Variants in TBC1D22A observed in about 807,000 individuals in gnomAD.
TBC1D22A encodes the protein putative GTPase activator.
In TBC1D22A, 38 loss-of-function variants were observed where a neutral mutation model predicts 60.2. That is an observed-to-expected ratio of 0.63 (90% confidence interval 0.49 to 0.83). The LOEUF (loss-of-function observed/expected upper bound fraction) is 0.83. TBC1D22A is among the 40% of genes least tolerant of loss of function. The pLI is 0.00. For synonymous variants in TBC1D22A, 302 were observed against 281.7 expected, an observed-to-expected ratio of 1.07 and a Z score of -0.72; for missense variants, 628 against 701.0, an observed-to-expected ratio of 0.90 and a Z score of 1.18.
At chr22:46,829,344 G>A (rs2086208333) in intron 4 of TBC1D22A, among the ~76,000 whole-genome samples, 1 of 152,174 alleles carries the variant, frequency 6.6e-6, no homozygotes, top group South Asian at 2.1e-4. Flanking sequence ...TGTTTGGGAT[G>A]TCTTGAAAAT....
intron 7 of TBC1D22A, among the ~76,000 whole-genome samples, chr22:46,904,138 T>C (rs56248922): frequency 0.056 from 3,077 of 55,270 alleles, 57 homozygotes; most frequent in Middle Eastern, 0.17. Context: ...TATCTATCTA[T>C]CTATCTACCT....
At chr22:46,763,023 G>T (rs530600311) in intron 1 of TBC1D22A, among the ~76,000 whole-genome samples, 175 bp downstream of exon 1, 1 of 152,226 alleles carries the variant, frequency 6.6e-6, no homozygotes, top group East Asian at 1.9e-4. Context: ...CGTGGGGTCT[G>T]GGGGTGACAG....
intron 7 of TBC1D22A, among the ~76,000 whole-genome samples, chr22:46,905,112 G>T (rs1453610161): frequency 6.6e-6 from 1 of 152,224 alleles, no homozygotes. Context: ...TTCAGAGGGG[G>T]ACGGTGGGGA....
At chr22:47,112,479 G>A (rs1407444787) in intron 12 of TBC1D22A, among the ~76,000 whole-genome samples, 1 of 152,214 alleles carries the variant, frequency 6.6e-6, no homozygotes, top group Non-Finnish European at 1.5e-5. Flanking sequence ...GCAGCTGGCA[G>A]CCTGTTGTTC....
At chr22:47,158,670 G>A (rs531131461) in intron 12 of TBC1D22A, among the ~76,000 whole-genome samples, 1 of 152,282 alleles carries the variant, frequency 6.6e-6, no homozygotes, top group South Asian at 2.1e-4. Context: ...CCCCTGCAGA[G>A]GACACACCAC....
At chr22:46,973,195 G>T (rs1425742810) in intron 8 of TBC1D22A, among the ~76,000 whole-genome samples, 1 of 152,226 alleles carries the variant, frequency 6.6e-6, no homozygotes, top group Non-Finnish European at 1.5e-5. Context: ...GGGCCTCTGG[G>T]TCCTCAGGGA....
chr22:47,054,174 A>G (rs1435322096), intron 11 of TBC1D22A, among the ~76,000 whole-genome samples: 1 of 152,176 alleles, frequency 6.6e-6, no homozygotes, highest in Non-Finnish European at 1.5e-5. Context: ...AGGAGGAAGG[A>G]CGTGCAGGGA....
chr22:46,950,576 G>A (rs1353371971), intron 8 of TBC1D22A, among the ~76,000 whole-genome samples: 1 of 152,166 alleles, frequency 6.6e-6, no homozygotes, highest in Non-Finnish European at 1.5e-5. Context: ...TGAGGTCAGA[G>A]CCAGCTGTCA....
At chr22:47,095,674 G>A (rs570366094) in intron 11 of TBC1D22A, among the ~76,000 whole-genome samples, 2 of 152,386 alleles carry the variant, frequency 1.3e-5, no homozygotes, top group South Asian at 4.1e-4. Context: ...CTGTCCTGCT[G>A]TCCATCCCTT....
At chr22:46,902,157 T>C (rs1209043796) in intron 7 of TBC1D22A, among the ~76,000 whole-genome samples, 2 of 152,218 alleles carry the variant, frequency 1.3e-5, no homozygotes, top group Admixed American at 6.5e-5. Context: ...GGGAGAGTGC[T>C]GTTGAGGTTT....
intron 11 of TBC1D22A, among the ~76,000 whole-genome samples, chr22:47,096,416 C>T (rs1165041974): frequency 6.6e-6 from 1 of 152,186 alleles, no homozygotes; most frequent in Non-Finnish European, 1.5e-5. Flanking sequence ...CAGTCACATA[C>T]CCACTACAAA....
At chr22:46,901,948 A>T (rs79819873) in intron 7 of TBC1D22A, among the ~76,000 whole-genome samples, 1 of 151,752 alleles carries the variant, frequency 6.6e-6, no homozygotes, top group Non-Finnish European at 1.5e-5. Flanking sequence ...CAGATTGTTT[A>T]TAAACGTGAG....
chr22:46,988,849 T>C (rs1226233261), intron 9 of TBC1D22A, among the ~76,000 whole-genome samples: 1 of 152,214 alleles, frequency 6.6e-6, no homozygotes, highest in African/African-American at 2.4e-5. Flanking sequence ...CTTCGAAGCT[T>C]TGAAGTGAGG....
intron 8 of TBC1D22A, among the ~76,000 whole-genome samples, chr22:46,950,066 G>A (rs1449749741): frequency 1.3e-5 from 2 of 152,240 alleles, no homozygotes; most frequent in Non-Finnish European, 2.9e-5. Flanking sequence ...CTAGGTTGTA[G>A]GGAGAAGCTG....
chr22:46,897,128 G>T lies in TBC1D22A; in HGVS notation c.900+2282G>T, dbSNP rs185167923. On this transcript the variant is annotated intron_variant, in intron 7 of 12. Transcript: ENST00000337137. ...CCAGGTTCTTGGTGCTTTGAACAAA[G>T]AATTGGACAAAATGCACAAACAAAG... Among the ~76,000 whole-genome samples, 5 of 152,206 alleles carry T rather than the reference G, an allele frequency of 3.3e-5. No individual in the cohort carries two copies. In the East Asian group the frequency reaches 5.8e-4, roughly 18 times the overall value.
At chr22:46,967,678 G>T (rs1333468664) in intron 8 of TBC1D22A, among the ~76,000 whole-genome samples, 1 of 152,150 alleles carries the variant, frequency 6.6e-6, no homozygotes, top group Non-Finnish European at 1.5e-5. Context: ...TACATTGGAG[G>T]GATTTTCCCC....
intron 4 of TBC1D22A, among the ~76,000 whole-genome samples, chr22:46,865,947 C>T (rs1475265812): frequency 3.3e-5 from 5 of 152,150 alleles, no homozygotes; most frequent in Non-Finnish European, 7.4e-5. Context: ...AGTGAAACAT[C>T]TTACAGCAGA....
chr22:46,993,490 T>TA (rs1468932682), intron 9 of TBC1D22A, among the ~76,000 whole-genome samples: 43 of 152,358 alleles, frequency 2.8e-4, no homozygotes, highest in African/African-American at 9.6e-4. Context: ...ACTAATGACA[T>TA]TTTTATAAGT....
At chr22:46,835,727 A>C (rs562501887) in intron 4 of TBC1D22A, among the ~76,000 whole-genome samples, 1 of 152,218 alleles carries the variant, frequency 6.6e-6, no homozygotes, top group Admixed American at 6.5e-5. Context: ...GCCAGACTCA[A>C]GAAGCCCATG....
Sources: gnomAD v4.1 joint callset for allele counts (sites outside exome capture counted in the v4.1 genomes callset) on GRCh38, gnomAD v4.1.1 for gene constraint, MANE v1.5 for transcripts, NCBI Gene and HGNC (gene_info 2026-07-23, HGNC 2026-07-21) for gene names.